RLF: variants seen among roughly 807,000 people sequenced by gnomAD.
RLF encodes the protein RLF zinc finger.
RLF carries 7 observed loss-of-function variants against 162.9 expected under a neutral mutation model. That is an observed-to-expected ratio of 0.04 (90% CI 0.02 to 0.08). RLF has a LOEUF of 0.08. RLF is among the 10% of genes least tolerant of loss of function. RLF has a pLI of 1.00. For missense variants in RLF, 1,664 were observed against 2,244.7 expected, an observed-to-expected ratio of 0.74 and a Z score of 5.23; for synonymous variants, 782 against 791.5, an observed-to-expected ratio of 0.99 and a Z score of 0.20.
Position 40,239,108 on chromosome 1 carries a change from A to G in RLF, c.4406A>G (p.His1469Arg). ...SNYSQHVYYR[H>R]KDYYDDLFRS... ...TACTCACAACATGTATATTACCGAC[A>G]TAAAGACTATTATGATGATTTGTTT... Residue 1469 changes from histidine (H) to arginine (R), a missense_variant, in exon 8 of 8, where the codon CAT becomes CGT. By Grantham distance (29) the His-to-Arg change is conservative. Coordinates refer to ENST00000372771, the MANE Select transcript of RLF (RefSeq NM_012421.4). The G allele has an allele frequency of 6.2e-7, 1 of 1,614,178 alleles. No individual in the cohort carries two copies. Among genetic ancestry groups the G allele is most frequent in the Non-Finnish European group, 8.5e-7 (1 of 1,180,026 alleles).
chr1:40,214,655 C>G (rs1642901344), intron 5 of RLF, among the ~76,000 whole-genome samples: 4 of 152,090 alleles, frequency 2.6e-5, no homozygotes, highest in Admixed American at 6.6e-5. Context: ...TGAGGTGCCT[C>G]ACACCTGTAA....
chr1:40,161,698 G>T lies in RLF; in HGVS notation c.237+62G>T. 1 of 1,586,484 alleles carries T rather than the reference G, an allele frequency of 6.3e-7. No individual in the cohort carries two copies. Among genetic ancestry groups the T allele is most frequent in the Non-Finnish European group, 8.5e-7 (1 of 1,172,768 alleles). ...GGGGAAGTCAGGGAAGGAGGCCCTGGATCCTCTGTAAGCAGCCGGGTCCAA... is the reference window on the plus strand; with the variant it reads ...GGGGAAGTCAGGGAAGGAGGCCCTGTATCCTCTGTAAGCAGCCGGGTCCAA... On this transcript the variant is annotated intron_variant, in intron 1 of 7. Transcript: ENST00000372771. This position sits in a 1 kb window ranked among gnomAD's most constrained non-coding sequence, Gnocchi z 4.4.
intron 5 of RLF, among the ~76,000 whole-genome samples, chr1:40,209,974 C>T (rs1002583274): frequency 1.3e-5 from 2 of 151,572 alleles, no homozygotes; most frequent in African/African-American, 2.4e-5. Context: ...AGATAGATTG[C>T]TTACCTCTAA....
intron 1 of RLF, among the ~76,000 whole-genome samples, chr1:40,174,073 T>G (rs1642282152): frequency 6.6e-6 from 1 of 152,132 alleles, no homozygotes. Context: ...TAGCTAACTT[T>G]AAAAAATGTT....
In RLF at chr1:40,161,537, C is replaced by G. The variant is rs771866375; in HGVS notation, c.138C>G (p.Ala46=). The G allele has an allele frequency of 3.5e-5, 56 of 1,607,272 alleles. No homozygotes were observed. Among genetic ancestry groups the G allele is most frequent in the Non-Finnish European group, 4.6e-5 (54 of 1,177,354 alleles). The change falls in exon 1 of 8, where the codon GCC becomes GCG. Residue 46 remains alanine (A), a synonymous_variant. Transcript: ENST00000372771. The surrounding 1 kb of genome is among the most constrained non-coding windows in gnomAD (Gnocchi z 4.4). The stretch of plus-strand genomic sequence containing the variant: ...GCCCCGTATCTCCAGCGCCGGGAGC[C>G]TCGGGACTGCGGCCGTGTCTGTGGC... The part of the protein sequence containing the change: ...GHRPVSPAPG[A]SGLRPCLWQL...
intron 4 of RLF, among the ~76,000 whole-genome samples, chr1:40,201,987 G>GA (rs1334889040): frequency 6.6e-6 from 1 of 152,138 alleles, no homozygotes; most frequent in Non-Finnish European, 1.5e-5. Flanking sequence ...TGGTTTAGAG[G>GA]AAAGAGCACC....
At chr1:40,216,787 T>C (rs1642929725) in intron 5 of RLF, among the ~76,000 whole-genome samples, 2 of 151,964 alleles carry the variant, frequency 1.3e-5, no homozygotes, top group Non-Finnish European at 2.9e-5. Flanking sequence ...AGGTACGGTG[T>C]CTCACGCCTG....
chr1:40,190,284 A>T (rs1301926736), intron 2 of RLF, among the ~76,000 whole-genome samples: 1 of 152,188 alleles, frequency 6.6e-6, no homozygotes, highest in Non-Finnish European at 1.5e-5. Flanking sequence ...AGTCAGAAAA[A>T]GGAAACTCTT....
At chr1:40,210,307 T>G (rs1418434019) in intron 5 of RLF, among the ~76,000 whole-genome samples, 2 of 152,202 alleles carry the variant, frequency 1.3e-5, no homozygotes, top group African/African-American at 4.8e-5. Context: ...AGTGTAAAGA[T>G]AGAGAATTCT....
chr1:40,177,305 T>G (rs942563217), intron 1 of RLF, among the ~76,000 whole-genome samples: 55 of 149,434 alleles, frequency 3.7e-4, no homozygotes, highest in African/African-American at 1.3e-3. Flanking sequence ...TTTTTTTTTT[T>G]GGGAGGCGGA....
At chr1:40,201,567 A>G (rs372670172) in intron 4 of RLF, among the ~76,000 whole-genome samples, 6 of 148,530 alleles carry the variant, frequency 4.0e-5, no homozygotes, top group African/African-American at 1.5e-4. Context: ...CGGAGCTTGC[A>G]GTGAGCCAAG....
At chr1:40,192,581 T>G (rs1179044800) in intron 3 of RLF, among the ~76,000 whole-genome samples, 1 of 152,162 alleles carries the variant, frequency 6.6e-6, no homozygotes, top group African/African-American at 2.4e-5. Flanking sequence ...CTTGCTTGAA[T>G]AAAATAGTTG....
At chr1:40,203,218 G>A (rs1293193610) in intron 5 of RLF, among the ~76,000 whole-genome samples, 3 of 149,104 alleles carry the variant, frequency 2.0e-5, no homozygotes, top group African/African-American at 7.5e-5. Context: ...GGGTTCAAGT[G>A]ATTCTTGTGC....
At chr1:40,231,744 G>A (rs1189476304) in intron 7 of RLF, 86 bp downstream of exon 7, 3 of 1,267,608 alleles carry the variant, frequency 2.4e-6, no homozygotes, top group African/African-American at 3.0e-5. Context: ...TCCCTTTAAA[G>A]GAAGATAAGA....
chr1:40,221,565 G>A (rs1272196076), intron 5 of RLF, among the ~76,000 whole-genome samples: 5 of 151,264 alleles, frequency 3.3e-5, no homozygotes, highest in South Asian at 2.1e-4. Context: ...ACTGCGTAGC[G>A]CACTGGAGGA....
chr1:40,224,623 CTTTTTTTTTTTTTTTTT>C (rs1168908018), intron 6 of RLF, among the ~76,000 whole-genome samples: 10 of 33,262 alleles, frequency 3.0e-4, no homozygotes, highest in South Asian at 2.1e-3. Context: ...TTTTTGAAAG[CTTTTTTTTTTTTTTTTT>C]TTTTTTTTTT....
chr1:40,215,775 A>G (rs982459190), intron 5 of RLF, among the ~76,000 whole-genome samples: 14 of 152,006 alleles, frequency 9.2e-5, no homozygotes, highest in Non-Finnish European at 1.9e-4. Flanking sequence ...GAATGATGAA[A>G]CACAACATAC....
chr1:40,231,989 C>CT (rs1643157014), intron 7 of RLF, among the ~76,000 whole-genome samples: 1 of 152,202 alleles, frequency 6.6e-6, no homozygotes, highest in Non-Finnish European at 1.5e-5. Context: ...GGGTGGATTA[C>CT]TTGAGCTCAG....
intron 1 of RLF, chr1:40,177,942 A>G (rs975771766): frequency 1.3e-5 from 2 of 153,066 alleles, no homozygotes; most frequent in Non-Finnish European, 1.5e-5. Flanking sequence ...GAAGTGTTCT[A>G]TATTTTTCAG....
Sources: gnomAD v4.1 joint callset for allele counts (sites outside exome capture counted in the v4.1 genomes callset) on GRCh38, gnomAD v4.1.1 for gene constraint, Gnocchi (gnomAD v3.1) non-coding constraint, MANE v1.5 for transcripts, NCBI Gene and HGNC (gene_info 2026-07-23, HGNC 2026-07-21) for gene names.